The following NPAS3 variants were observed in gnomAD, a reference collection of about 807,000 sequenced individuals.
NPAS3 encodes neuronal PAS domain protein 3.
A neutral mutation model predicts 73.1 loss-of-function variants in NPAS3; 14 were observed. That is an observed-to-expected ratio of 0.19 (90% CI 0.13 to 0.30). The LOEUF (loss-of-function observed/expected upper bound fraction) is 0.30, where lower values mean the gene tolerates loss of function less well. Ranked by LOEUF, NPAS3 falls within the 10% of genes least tolerant of loss-of-function variation. The probability of loss-of-function intolerance (pLI) is 1.00; values close to 1 mark genes in which losing one functional copy is unlikely to be tolerated. For synonymous variants in NPAS3, 620 were observed against 541.5 expected (o/e 1.14, Z -2.01); for missense variants, 1,096 against 1,250.0 (o/e 0.88, Z 1.86).
chr14:33,394,548 G>C (rs2047141443), intron 4 of NPAS3, among the ~76,000 whole-genome samples: 1 of 152,118 alleles, frequency 6.6e-6, no homozygotes, highest in Non-Finnish European at 1.5e-5. Flanking sequence ...AGCTTTTGCT[G>C]CTTCACTGAT....
intron 4 of NPAS3, among the ~76,000 whole-genome samples, chr14:33,383,014 G>A (rs2046622251): frequency 6.6e-6 from 1 of 151,000 alleles, no homozygotes; most frequent in Non-Finnish European, 1.5e-5. Flanking sequence ...TGGAGCTGAG[G>A]AGGTTGAGGC....
At chr14:33,490,137 G>C (rs1189887764) in intron 4 of NPAS3, among the ~76,000 whole-genome samples, 1 of 152,206 alleles carries the variant, frequency 6.6e-6, no homozygotes, top group East Asian at 1.9e-4. Context: ...TAGATTTTGT[G>C]TCTGAGCATC....
intron 2 of NPAS3, among the ~76,000 whole-genome samples, chr14:33,211,727 G>A (rs2047043799): frequency 6.6e-6 from 1 of 152,146 alleles, no homozygotes; most frequent in South Asian, 2.1e-4. Flanking sequence ...ATGTGTGTGT[G>A]TGTTTTGAAA....
chr14:33,310,200 A>G (rs556982577), intron 3 of NPAS3, among the ~76,000 whole-genome samples: 2 of 152,294 alleles, frequency 1.3e-5, no homozygotes, highest in South Asian at 2.1e-4. Flanking sequence ...ATGTTTTAAG[A>G]AGGGACTTGT....
intron 1 of NPAS3, among the ~76,000 whole-genome samples, chr14:32,939,775 C>G (rs1037412029): frequency 6.7e-6 from 1 of 149,230 alleles, no homozygotes; most frequent in African/African-American, 2.5e-5. Context: ...CAGCTGCTCT[C>G]GAGGAAGGGA....
intron 2 of NPAS3, among the ~76,000 whole-genome samples, chr14:33,093,986 G>T (rs1246908526): frequency 6.6e-6 from 1 of 151,956 alleles, no homozygotes; most frequent in Admixed American, 6.6e-5. Context: ...GGGGAAGGGG[G>T]AGGGATAGCA....
rs536076317 is a variant in NPAS3, at chr14:32,950,190, C to A, written c.50+10824C>A. Among the ~76,000 whole-genome samples the A allele has an allele frequency of 2.6e-5, 4 of 152,064 alleles. No individual in the cohort carries two copies. In the South Asian group the frequency reaches 6.2e-4, roughly 24 times the overall value. ...AATCATCTCAACACAGTGGGTAGTT[C>A]TGAAAATTAATGAGAATGATAATAC... is the stretch of plus-strand genomic sequence containing the variant. On this transcript the variant is annotated intron_variant, in intron 1 of 11. Coordinates refer to ENST00000356141, the Ensembl canonical transcript of NPAS3.
At chr14:33,449,465 T>G (rs750051804) in intron 4 of NPAS3, among the ~76,000 whole-genome samples, 6 of 152,188 alleles carry the variant, frequency 3.9e-5, no homozygotes, top group Admixed American at 6.5e-5. Context: ...CTGCAAAGCC[T>G]AAAATATTTA....
At chr14:33,213,776 A>G (rs778248720) in intron 2 of NPAS3, 1 of 152,210 alleles carries the variant, frequency 6.6e-6, no homozygotes. Context: ...CTATTAATAG[A>G]GCAAACATAA....
At chr14:33,573,946 G>A (rs929040994) in intron 5 of NPAS3, among the ~76,000 whole-genome samples, 2 of 152,150 alleles carry the variant, frequency 1.3e-5, no homozygotes, top group African/African-American at 2.4e-5. Context: ...TCAATGCCAT[G>A]GTGACCAATC....
chr14:33,461,800 C>A (rs1425635200), intron 4 of NPAS3, among the ~76,000 whole-genome samples: 1 of 152,330 alleles, frequency 6.6e-6, no homozygotes, highest in East Asian at 1.9e-4. Flanking sequence ...TAAACTAGAG[C>A]CCCTGATTCA....
At chr14:33,418,799 C>T (rs1437329752) in intron 4 of NPAS3, among the ~76,000 whole-genome samples, 1 of 151,906 alleles carries the variant, frequency 6.6e-6, no homozygotes, top group Non-Finnish European at 1.5e-5. Flanking sequence ...TTTAGACAGC[C>T]CTGCTCTTGG....
intron 2 of NPAS3, among the ~76,000 whole-genome samples, chr14:33,092,457 T>G (rs921044888): frequency 1.7e-3 from 261 of 152,080 alleles, no homozygotes; most frequent in African/African-American, 6.1e-3. Flanking sequence ...CACTGCTCAG[T>G]GAAATAAAAG....
chr14:33,416,342 C>T (rs2048147512), intron 4 of NPAS3, among the ~76,000 whole-genome samples: 1 of 152,028 alleles, frequency 6.6e-6, no homozygotes, highest in East Asian at 1.9e-4. Flanking sequence ...GGGCACTAGA[C>T]TAGAAGATAT....
intron 3 of NPAS3, among the ~76,000 whole-genome samples, chr14:33,261,206 G>A (rs73254957): frequency 6.6e-6 from 1 of 151,770 alleles, no homozygotes; most frequent in African/African-American, 2.4e-5. Context: ...CCTTGTTCCT[G>A]AGTTGGTCAT....
rs114832295 is a variant in NPAS3 at position 33,750,690 on chromosome 14, G to A, written c.852+15358G>A. Among the ~76,000 whole-genome samples the A allele has an allele frequency of 5.6e-3, 847 of 152,216 alleles. 8 individuals carry two copies. Among genetic ancestry groups the A allele is most frequent in the African/African-American group, 0.019 (797 of 41,528 alleles). On this transcript the variant is annotated intron_variant, in intron 7 of 11. Coordinates refer to ENST00000356141, the Ensembl canonical transcript of NPAS3. ...AGGAATTGATTTCACTCAATCATGTGGTCAATACTGATTGTGTACCTGTTG... is the reference window on the plus strand; with the variant it reads ...AGGAATTGATTTCACTCAATCATGTAGTCAATACTGATTGTGTACCTGTTG...
chr14:33,799,602 G>T, intron 11 of NPAS3, 132 bp from the exon 12 acceptor site: 3 of 864,426 alleles, frequency 3.5e-6, no homozygotes, highest in Middle Eastern at 2.6e-4. Flanking sequence ...AGAAGCCCGT[G>T]ATGAGGACGG....
intron 4 of NPAS3, among the ~76,000 whole-genome samples, chr14:33,502,466 C>T (rs1221659805): frequency 6.6e-6 from 1 of 151,928 alleles, no homozygotes; most frequent in African/African-American, 2.4e-5. Flanking sequence ...GACTTCTGCT[C>T]TCTGTTCACT....
chr14:33,357,520 AT>A (rs1285064121), intron 3 of NPAS3, among the ~76,000 whole-genome samples: 2 of 152,224 alleles, frequency 1.3e-5, no homozygotes, highest in Non-Finnish European at 2.9e-5. Context: ...AATTCCTAAT[AT>A]TCCTGTTAAA....
Sources: allele counts gnomAD v4.1 joint callset (sites outside exome capture counted in the v4.1 genomes callset), GRCh38; gene constraint gnomAD v4.1.1; transcripts MANE v1.5; gene names NCBI Gene and HGNC (gene_info 2026-07-23, HGNC 2026-07-21).